The following CNR1 variants were observed in gnomAD, a reference collection of about 807,000 sequenced individuals.
CNR1 encodes cannabinoid receptor 1.
CNR1 carries 10 observed loss-of-function variants against 23.0 expected under a neutral mutation model. That is an observed-to-expected ratio of 0.43 (90% confidence interval 0.27 to 0.74). CNR1 has a LOEUF of 0.74. Among genes scored for constraint, CNR1 ranks in the 30% least tolerant of loss-of-function variants. The probability of loss-of-function intolerance (pLI) is 0.19; values close to 1 mark genes in which losing one functional copy is unlikely to be tolerated. For synonymous variants in CNR1, 271 were observed against 255.2 expected (o/e 1.06, Z -0.59); for missense variants, 422 against 618.8 (o/e 0.68, Z 3.37).
At position 88,143,983 on chromosome 6, in the gene CNR1, C is replaced by T. The variant is rs749116792; in HGVS notation, c.1292G>A (p.Cys431Tyr). 6.2e-7 allele frequency: 1 copy of T among 1,614,038 alleles called. No individual in the cohort carries two copies. The highest frequency in any genetic ancestry group is 1.1e-5 in the South Asian group (1 of 91,054). Residue 431 changes from cysteine to tyrosine, a missense_variant, in exon 2 of 2, where the codon TGC becomes TAC. Coordinates refer to ENST00000369501, the MANE Select transcript of CNR1 (RefSeq NM_016083.6). ...TGCATTGTTTGCGTGTTTGTGCAGGCAGTCCGAGTCCCCCATGCTGTTATC... is the reference window on the plus strand; with the variant it reads ...TGCATTGTTTGCGTGTTTGTGCAGGTAGTCCGAGTCCCCCATGCTGTTATC... ...PLDNSMGDSD[C>Y]LHKHANNAAS...
At chr6:88,162,858 G>A (rs1283012290) in intron 1 of CNR1, 1 of 152,142 alleles carries the variant, frequency 6.6e-6, no homozygotes, top group Admixed American at 6.5e-5. Context: ...GCCAACAGCA[G>A]AATTATAAAT....
At chr6:88,152,963 A>C (rs1431604578) in intron 1 of CNR1, among the ~76,000 whole-genome samples, 1 of 152,196 alleles carries the variant, frequency 6.6e-6, no homozygotes, top group African/African-American at 2.4e-5. Context: ...GTTGGTTTTT[A>C]TTACAGTTAT....
At chr6:88,151,319 A>G (rs1279852549) in intron 1 of CNR1, among the ~76,000 whole-genome samples, 1 of 152,088 alleles carries the variant, frequency 6.6e-6, no homozygotes, top group Non-Finnish European at 1.5e-5. Flanking sequence ...TTTTTGATAC[A>G]CCATCTCTCT....
chr6:88,150,727 A>AG (rs376503695), intron 1 of CNR1, among the ~76,000 whole-genome samples: 6 of 152,330 alleles, frequency 3.9e-5, no homozygotes, highest in African/African-American at 1.4e-4. Flanking sequence ...TGGGAGTTGA[A>AG]AGGCAAAAGC....
At chr6:88,156,052 T>C (rs1418557291) in intron 1 of CNR1, among the ~76,000 whole-genome samples, 1 of 152,132 alleles carries the variant, frequency 6.6e-6, no homozygotes, top group East Asian at 1.9e-4. Flanking sequence ...CCATGAGCCA[T>C]GAGGTTTTCT....
rs79862947 is a variant in CNR1 at position 88,162,142 on chromosome 6, C to T, written c.-64+3661G>A. On this transcript the variant is annotated intron_variant, in intron 1 of 1. Transcript: ENST00000369501. ...CTATCCTGGAAAACAAGAATGGCCTCGTTTCCATTCAAGGTGGATATCTGC... is the reference window on the plus strand; with the variant it reads ...CTATCCTGGAAAACAAGAATGGCCTTGTTTCCATTCAAGGTGGATATCTGC... Among the ~76,000 whole-genome samples, 279 of 152,292 alleles carry T rather than the reference C, an allele frequency of 1.8e-3. 2 individuals carry two copies. Among genetic ancestry groups the T allele is most frequent in the African/African-American group, 6.5e-3 (272 of 41,554 alleles).
upstream of CNR1, among the ~76,000 whole-genome samples, chr6:88,166,688 T>C (rs1469128498): frequency 1.3e-5 from 2 of 152,110 alleles, no homozygotes; most frequent in Non-Finnish European, 2.9e-5. Flanking sequence ...AAGGGGCTGG[T>C]GCATGCGCCG....
At chr6:88,155,370 T>C (rs1308198265) in intron 1 of CNR1, among the ~76,000 whole-genome samples, 1 of 152,190 alleles carries the variant, frequency 6.6e-6, no homozygotes, top group Admixed American at 6.5e-5. Context: ...GGAAAAAATA[T>C]ATTATTTTTC....
chr6:88,146,103 C>A (rs959713419), intron 1 of CNR1, among the ~76,000 whole-genome samples: 3 of 149,110 alleles, frequency 2.0e-5, no homozygotes, highest in African/African-American at 7.4e-5. Flanking sequence ...TTTTTTTTTT[C>A]TTTCTTTCTT....
intron 1 of CNR1, among the ~76,000 whole-genome samples, chr6:88,155,296 A>G (rs1777735882): frequency 6.6e-6 from 1 of 152,250 alleles, no homozygotes; most frequent in South Asian, 2.1e-4. Flanking sequence ...CACAATAGAG[A>G]AAATCCTAAT....
chr6:88,147,554 T>C (rs1432483844), intron 1 of CNR1: 1 of 152,192 alleles, frequency 6.6e-6, no homozygotes, highest in African/African-American at 2.4e-5. Flanking sequence ...TTTAATACCC[T>C]AGTGTCATGA....
chr6:88,153,987 T>C (rs1386982468), intron 1 of CNR1, among the ~76,000 whole-genome samples: 1 of 152,244 alleles, frequency 6.6e-6, no homozygotes, highest in Non-Finnish European at 1.5e-5. Flanking sequence ...CTGATTGACT[T>C]AATTATCCTG....
upstream of CNR1, among the ~76,000 whole-genome samples, chr6:88,166,562 C>G (rs374531179): frequency 3.5e-4 from 53 of 152,252 alleles, no homozygotes; most frequent in South Asian, 2.1e-4. Flanking sequence ...GCCTCTTCGG[C>G]CCGCGTCACC....
chr6:88,145,129 G>A lies in CNR1; in HGVS notation c.146C>T (p.Pro49Leu). ...GGGACTTCCCCTAAAGGAAGTTAAA[G>A]GGAATTTCTGTGGGAAGTACCCTAA... Reference protein sequence around the residue: ...SKLGYFPQKFPLTSFRGSPFQ... With the variant: ...SKLGYFPQKFLLTSFRGSPFQ... Residue 49 changes from proline to leucine, a missense_variant, in exon 2 of 2, where the codon CCT (proline) becomes CTT (leucine). This residue lies in a region of CNR1 where 120 missense variants were observed against 117.6 expected (regional missense o/e 1.02). Coordinates refer to ENST00000369501, the MANE Select transcript of CNR1 (RefSeq NM_016083.6). 3 of 1,614,180 alleles carry A rather than the reference G, an allele frequency of 1.9e-6. No individual in the cohort carries two copies. The highest frequency in any genetic ancestry group is 1.1e-5 in the South Asian group (1 of 91,082).
At chr6:88,153,549 T>C (rs1777641371) in intron 1 of CNR1, among the ~76,000 whole-genome samples, 1 of 152,232 alleles carries the variant, frequency 6.6e-6, no homozygotes, top group Non-Finnish European at 1.5e-5. Flanking sequence ...TTCCAGTCCC[T>C]TGCTTAACTT....
rs543564327 is a variant in CNR1, at chr6:88,150,546, C to G, written c.-63-5209G>C. Among the ~76,000 whole-genome samples the G allele has an allele frequency of 4.6e-5, 7 of 152,340 alleles. No individual in the cohort carries two copies. In the South Asian group the frequency reaches 1.5e-3, roughly 32 times the overall value. ...CCATATTCGTATATAAAACCTCTCT[C>G]TTCATTCAGCTGCCTTAAGGATCTG... On this transcript the variant is annotated intron_variant, in intron 1 of 1. Coordinates refer to ENST00000369501, the MANE Select transcript of CNR1 (RefSeq NM_016083.6).
rs1032275554 is a variant in CNR1 at position 88,143,472 on chromosome 6, A to T, written c.*384T>A. The T allele has an allele frequency of 1.1e-5, 2 of 188,368 alleles. No individual in the cohort carries two copies. The highest frequency in any genetic ancestry group is 2.2e-5 in the Non-Finnish European group (2 of 90,132). The allele number at this position is 188,368 out of a possible 1,614,324, so 11.7% of individuals were successfully genotyped here. On this transcript the variant is annotated 3_prime_UTR_variant, in exon 2 of 2. Transcript: ENST00000369501. Reference sequence around the variant, plus strand: ...AGTACTATAACTTGTAAAAATGGACATCTCTGATACTACGGACAGTTACAT... The same window carrying T: ...AGTACTATAACTTGTAAAAATGGACTTCTCTGATACTACGGACAGTTACAT...
At chr6:88,146,101 T>TTCTC (rs888599665) in intron 1 of CNR1, among the ~76,000 whole-genome samples, 2 of 151,818 alleles carry the variant, frequency 1.3e-5, no homozygotes, top group Admixed American at 6.6e-5. Flanking sequence ...AGTTTTTTTT[T>TTCTC]TCTTTCTTTC....
intron 1 of CNR1, among the ~76,000 whole-genome samples, chr6:88,154,819 T>A (rs879679483): frequency 2.0e-5 from 3 of 152,186 alleles, no homozygotes; most frequent in Non-Finnish European, 4.4e-5. Context: ...CCTCAAGTGA[T>A]CCGCCCACCT....
Sources: gnomAD v4.1 joint callset for allele counts (sites outside exome capture counted in the v4.1 genomes callset) on GRCh38, gnomAD v4.1.1 for gene constraint, gnomAD v4.1.1 regional missense constraint, MANE v1.5 for transcripts, NCBI Gene and HGNC (gene_info 2026-07-23, HGNC 2026-07-21) for gene names.